ZMIZ1: variants seen among roughly 807,000 people sequenced by gnomAD.
ZMIZ1 encodes the protein zinc finger MIZ domain-containing protein 1.
ZMIZ1 carries 17 observed loss-of-function variants against 113.9 expected under a neutral mutation model. The ratio of observed to expected loss-of-function variants is 0.15; its 90% CI spans 0.10 to 0.22. The LOEUF (loss-of-function observed/expected upper bound fraction) is 0.22. Ranked by LOEUF, ZMIZ1 falls within the 10% of genes least tolerant of loss-of-function variation. The pLI, the probability that ZMIZ1 is intolerant of heterozygous loss-of-function variation, is 1.00. For missense variants in ZMIZ1, 1,059 were observed against 1,477.8 expected, an observed-to-expected ratio of 0.72 and a Z score of 4.65; for synonymous variants, 607 against 603.1, an observed-to-expected ratio of 1.01 and a Z score of -0.09.
intron 5 of ZMIZ1, 118 bp downstream of exon 5, chr10:79,201,810 CGAG>C: frequency 9.0e-7 from 1 of 1,113,068 alleles, no homozygotes; most frequent in East Asian, 2.4e-5. Context: ...ACCTACCTAT[CGAG>C]GCCGTTATTG....
At chr10:79,199,159 A>G (rs781367055) in intron 4 of ZMIZ1, among the ~76,000 whole-genome samples, 13 of 151,982 alleles carry the variant, frequency 8.6e-5, no homozygotes, top group African/African-American at 2.2e-4. Flanking sequence ...GGCGATGGGC[A>G]GATGTTAGTT....
chr10:79,305,889 G>A (rs1854657681), intron 21 of ZMIZ1, among the ~76,000 whole-genome samples: 1 of 152,196 alleles, frequency 6.6e-6, no homozygotes. Context: ...GCTGCCCTGT[G>A]CCCAGCCACT....
chr10:79,163,175 G>T (rs1221979254), intron 4 of ZMIZ1, among the ~76,000 whole-genome samples: 1 of 152,254 alleles, frequency 6.6e-6, no homozygotes, highest in Non-Finnish European at 1.5e-5. Context: ...CTTCGCCCTG[G>T]TGTGGAGCTG....
At position 79,179,209 on chromosome 10, in the gene ZMIZ1, T is replaced by C. The variant is rs1480280718; in HGVS notation, c.-50+17076T>C. 2.6e-5 allele frequency among the ~76,000 whole-genome samples: 4 copies of C among 152,366 alleles called. No homozygotes were observed. The South Asian group carries it at 6.2e-4, about 24-fold the overall frequency. ...GTTACTGGTAGCAACAGGTAAAAGTTACTGGCCTCAGTTTTATAGCTGAGA... is the reference window on the plus strand; with the variant it reads ...GTTACTGGTAGCAACAGGTAAAAGTCACTGGCCTCAGTTTTATAGCTGAGA... On this transcript the variant is annotated intron_variant, in intron 4 of 24. Coordinates refer to ENST00000334512, the MANE Select transcript of ZMIZ1 (RefSeq NM_020338.4).
chr10:79,213,714 T>G (rs968594946), intron 6 of ZMIZ1, among the ~76,000 whole-genome samples: 1 of 152,212 alleles, frequency 6.6e-6, no homozygotes, highest in African/African-American at 2.4e-5. Context: ...CGTTAACCCT[T>G]TGTGGACTGA....
chr10:79,294,001 G>T, intron 12 of ZMIZ1: 2 of 389,270 alleles, frequency 5.1e-6, no homozygotes, highest in Non-Finnish European at 4.8e-6. Context: ...GGGTGACCTG[G>T]GTTTAGTTCC....
Position 79,277,309 on chromosome 10 carries a change from C to T in ZMIZ1, c.409C>T (p.Pro137Ser). 3 of 1,599,076 alleles carry T rather than the reference C, an allele frequency of 1.9e-6. No homozygotes were observed. The highest frequency in any genetic ancestry group is 2.6e-6 in the Non-Finnish European group (3 of 1,173,318). Residue 137 changes from proline to serine, a missense_variant, in exon 8 of 25, where the codon CCC becomes TCC. Coordinates refer to ENST00000334512, the MANE Select transcript of ZMIZ1 (RefSeq NM_020338.4). ...TCTCAGCTCCATGAGCTCCATGAAA[C>T]CCACTCTGTCGCACAGGTAAGTGGG... ...PPLSSMSSMK[P>S]TLSHSDGSFP...
chr10:79,280,449 T>C (rs1242606951), intron 8 of ZMIZ1, among the ~76,000 whole-genome samples: 2 of 151,200 alleles, frequency 1.3e-5, no homozygotes, highest in Non-Finnish European at 3.0e-5. Flanking sequence ...TATTTCTTTA[T>C]AGTTTTGTGG....
At chr10:79,282,536 A>G (rs1589558249) in intron 8 of ZMIZ1, among the ~76,000 whole-genome samples, 1 of 152,270 alleles carries the variant, frequency 6.6e-6, no homozygotes, top group East Asian at 1.9e-4. Flanking sequence ...CGGGTGTCAC[A>G]ATCATGTCTG....
intron 4 of ZMIZ1, among the ~76,000 whole-genome samples, chr10:79,198,231 C>G (rs979183844): frequency 2.6e-5 from 4 of 152,220 alleles, no homozygotes; most frequent in Non-Finnish European, 5.9e-5. Flanking sequence ...TGCACTCCAG[C>G]CTGGGCGACA....
intron 2 of ZMIZ1, among the ~76,000 whole-genome samples, chr10:79,129,659 C>T (rs1241353583): frequency 6.6e-6 from 1 of 152,248 alleles, no homozygotes; most frequent in Non-Finnish European, 1.5e-5. Context: ...TGAGCTGCCC[C>T]TCACCAGGCC....
chr10:79,311,054 C>T lies in ZMIZ1; in HGVS notation c.2966C>T (p.Pro989Leu), dbSNP rs1451979012. 1.2e-5 allele frequency: 20 copies of T among 1,613,532 alleles called. No individual in the cohort carries two copies. The South Asian group carries it at 1.5e-4, about 12-fold the overall frequency. ...SGAPPPPPSQ[P>L]PRQPPQAAPS... ...GCTCCTCCTCCTCCTCCTTCCCAGCCTCCCCGGCAGCCGCCACAGGCCGCT... is the reference window on the plus strand; with the variant it reads ...GCTCCTCCTCCTCCTCCTTCCCAGCTTCCCCGGCAGCCGCCACAGGCCGCT... Residue 989 changes from proline to leucine, a missense_variant, in exon 24 of 25, where the codon CCT (proline) becomes CTT (leucine). Transcript: ENST00000334512.
chr10:79,091,500 G>T (rs719338), intron 1 of ZMIZ1, among the ~76,000 whole-genome samples: 99,215 of 152,102 alleles, frequency 0.65, 32,550 homozygotes, highest in African/African-American at 0.74. Context: ...ATAGCTGCAA[G>T]GAGTACTGAA....
rs368662521 is a variant in ZMIZ1 at position 79,302,605 on chromosome 10, A to AGAAGAGGG, written c.2125+396_2125+403dup. ...GCCTTTAAAAGATGGGAGGATTTAG[A>AGAAGAGGG]GAAGAGGGGATCTTCATCAGGCAGA... On this transcript the variant is annotated intron_variant, in intron 18 of 24. Transcript: ENST00000334512. Among the ~76,000 whole-genome samples the AGAAGAGGG allele has an allele frequency of 7.2e-4, 108 of 149,068 alleles. 2 individuals carry two copies. The highest frequency in any genetic ancestry group is 2.3e-3 in the African/African-American group (92 of 40,856).
chr10:79,210,342 C>T (rs1244067810), intron 6 of ZMIZ1, among the ~76,000 whole-genome samples: 2 of 152,240 alleles, frequency 1.3e-5, no homozygotes, highest in Non-Finnish European at 2.9e-5. Flanking sequence ...CTTGTCCATG[C>T]GTTCATTCAT....
In ZMIZ1 at chr10:79,278,645, C is replaced by T. The variant is rs554996532; in HGVS notation, c.425+1320C>T. Reference sequence around the variant, plus strand: ...ATTAGGGAGTGGTGATGACTCTTAACGAGCATGCTGCCTTCAAGCATCTGT... The same window carrying T: ...ATTAGGGAGTGGTGATGACTCTTAATGAGCATGCTGCCTTCAAGCATCTGT... On this transcript the variant is annotated intron_variant, in intron 8 of 24. Coordinates refer to ENST00000334512, the MANE Select transcript of ZMIZ1 (RefSeq NM_020338.4). Among the ~76,000 whole-genome samples the T allele has an allele frequency of 2.0e-3, 306 of 151,694 alleles. 2 individuals are homozygous for T. Among genetic ancestry groups the T allele is most frequent in the African/African-American group, 7.1e-3 (294 of 41,372 alleles).
intron 3 of ZMIZ1, among the ~76,000 whole-genome samples, chr10:79,153,005 G>A (rs1380890615): frequency 6.6e-6 from 1 of 152,264 alleles, no homozygotes; most frequent in East Asian, 1.9e-4. Context: ...GGTTCTGTCT[G>A]TTGATGGGCA....
intron 4 of ZMIZ1, among the ~76,000 whole-genome samples, chr10:79,175,583 C>CGTGTGTGTGTGTGTGT (rs757004699): frequency 3.1e-4 from 39 of 125,378 alleles, no homozygotes; most frequent in African/African-American, 1.2e-3. Flanking sequence ...GTGCACTCTG[C>CGTGTGTGTGTGTGTGT]GTGTGTGTGT....
At chr10:79,129,894 GC>G (rs1402305986) in intron 2 of ZMIZ1, among the ~76,000 whole-genome samples, 1 of 152,246 alleles carries the variant, frequency 6.6e-6, no homozygotes, top group Non-Finnish European at 1.5e-5. Context: ...GTTGGTGGTG[GC>G]CTGCTGGCCT....
Sources: allele counts gnomAD v4.1 joint callset (sites outside exome capture counted in the v4.1 genomes callset), GRCh38; gene constraint gnomAD v4.1.1; transcripts MANE v1.5; gene names NCBI Gene and HGNC (gene_info 2026-07-23, HGNC 2026-07-21).